The following PDE4D variants were observed in gnomAD, a reference collection of about 807,000 sequenced individuals.
The protein encoded by PDE4D is 3',5'-cyclic-AMP phosphodiesterase 4D.
In PDE4D, 24 loss-of-function variants were observed where a neutral mutation model predicts 87.4. The ratio of observed to expected loss-of-function variants is 0.27; its 90% CI spans 0.20 to 0.39. PDE4D has a LOEUF of 0.39. PDE4D is among the 10% of genes least tolerant of loss of function. The pLI is 1.00. For synonymous variants in PDE4D, 384 were observed against 383.2 expected, an observed-to-expected ratio of 1.00 and a Z score of -0.02; for missense variants, 714 against 1,041.0, an observed-to-expected ratio of 0.69 and a Z score of 4.32.
chr5:59,026,153 G>A (rs1756195653), intron 6 of PDE4D, among the ~76,000 whole-genome samples: 1 of 152,226 alleles, frequency 6.6e-6, no homozygotes, highest in African/African-American at 2.4e-5. Flanking sequence ...AGGTAGAGAT[G>A]AGAAAGAGCA....
intron 2 of PDE4D, among the ~76,000 whole-genome samples, chr5:60,170,713 TATGTA>T (rs1434928636): frequency 9.2e-5 from 14 of 151,936 alleles, no homozygotes; most frequent in African/African-American, 3.4e-4. Flanking sequence ...ACATAGATGA[TATGTA>T]ATGACATAAT....
chr5:59,264,036 A>C (rs1762451761), intron 1 of PDE4D, among the ~76,000 whole-genome samples: 1 of 152,036 alleles, frequency 6.6e-6, no homozygotes, highest in Non-Finnish European at 1.5e-5. Context: ...AAAAATACAC[A>C]TGTATTTGTA....
At chr5:60,400,521 CAAAAA>C (rs56750243) in intron 1 of PDE4D, among the ~76,000 whole-genome samples, 1 of 62,354 alleles carries the variant, frequency 1.6e-5, no homozygotes, top group Non-Finnish European at 2.8e-5. Flanking sequence ...GACTCCATCT[CAAAAA>C]AAAAAAAAAA....
At chr5:60,358,058 G>A (rs867718574) in intron 1 of PDE4D, among the ~76,000 whole-genome samples, 8 of 152,270 alleles carry the variant, frequency 5.3e-5, no homozygotes, top group Middle Eastern at 6.8e-3. Context: ...GTGGCACTGA[G>A]GGTTTAGTAA....
intron 1 of PDE4D, among the ~76,000 whole-genome samples, chr5:59,513,028 T>C (rs1415066605): frequency 1.3e-5 from 2 of 152,160 alleles, no homozygotes; most frequent in African/African-American, 4.8e-5. Context: ...ATGTGTTCTT[T>C]TTTAAAAAAT....
intron 6 of PDE4D, among the ~76,000 whole-genome samples, chr5:59,001,608 T>G (rs545410840): frequency 3.8e-4 from 58 of 152,326 alleles, no homozygotes; most frequent in African/African-American, 1.2e-3. Context: ...ACATGTTTGA[T>G]CATTCCTACT....
At chr5:60,090,955 T>C (rs899047114) in intron 2 of PDE4D, among the ~76,000 whole-genome samples, 2 of 151,952 alleles carry the variant, frequency 1.3e-5, no homozygotes, top group South Asian at 4.1e-4. Flanking sequence ...AAAACACATC[T>C]GGGAATAAAT....
intron 2 of PDE4D, among the ~76,000 whole-genome samples, chr5:60,165,621 GATT>G (rs1782822726): frequency 6.6e-6 from 1 of 151,190 alleles, no homozygotes; most frequent in Non-Finnish European, 1.5e-5. Context: ...TAACAGTATT[GATT>G]ATTTGAATCC....
intron 6 of PDE4D, among the ~76,000 whole-genome samples, chr5:59,008,007 T>C (rs1005242445): frequency 4.6e-5 from 7 of 152,102 alleles, no homozygotes; most frequent in African/African-American, 1.4e-4. Flanking sequence ...GATGTTAGCA[T>C]AGTATTCTGT....
intron 1 of PDE4D, among the ~76,000 whole-genome samples, chr5:60,253,899 T>A (rs1402598425): frequency 6.6e-6 from 1 of 151,916 alleles, no homozygotes; most frequent in African/African-American, 2.4e-5. Context: ...GATTCAATGA[T>A]AAATTACCCA....
At chr5:59,919,106 A>T (rs758842613) in intron 3 of PDE4D, among the ~76,000 whole-genome samples, 4 of 152,170 alleles carry the variant, frequency 2.6e-5, no homozygotes, top group Non-Finnish European at 5.9e-5. Flanking sequence ...ACCTTTTTTA[A>T]AAAAACAGGT....
rs1290244569 is a variant in PDE4D at position 59,516,512 on chromosome 5, C to T, written c.456-300544G>A. On this transcript the variant is annotated intron_variant, in intron 1 of 14. Transcript: ENST00000340635. ...TCCTCCCTATTGCTCTAGAAGAAAA[C>T]GCTGCCAAGAAAAAGCTACTTCTAA... Among the ~76,000 whole-genome samples, 11 of 152,220 alleles carry T rather than the reference C, an allele frequency of 7.2e-5. No individual in the cohort carries two copies. In the East Asian group the frequency reaches 1.7e-3, roughly 24 times the overall value.
intron 3 of PDE4D, among the ~76,000 whole-genome samples, chr5:59,957,807 A>G (rs1455044039): frequency 6.6e-6 from 1 of 152,044 alleles, no homozygotes; most frequent in African/African-American, 2.4e-5. Flanking sequence ...GTGAATTTTC[A>G]TTCATATTTT....
intron 1 of PDE4D, among the ~76,000 whole-genome samples, chr5:59,353,604 AAAACATGGTTGGCAAT>A (rs147844241): frequency 0.1 from 15,917 of 151,984 alleles, 935 homozygotes; most frequent in Middle Eastern, 0.14. Flanking sequence ...CCCATTACTG[AAAACATGGTTGGCAAT>A]CTCTTCTGGG....
rs75113629 is a variant in PDE4D at position 59,519,610 on chromosome 5, G to A, written c.456-303642C>T. Among the ~76,000 whole-genome samples, 625 of 152,234 alleles carry A rather than the reference G, an allele frequency of 4.1e-3. 1 individual carries two copies. Among genetic ancestry groups the A allele is most frequent in the Non-Finnish European group, 7.2e-3 (490 of 68,010 alleles). Reference sequence around the variant, plus strand: ...CAGATCCAGGTCACTTGAAAGGGGCGGTAGACATAGATCATGTAGAAGTTT... The same window carrying A: ...CAGATCCAGGTCACTTGAAAGGGGCAGTAGACATAGATCATGTAGAAGTTT... On this transcript the variant is annotated intron_variant, in intron 1 of 14. Coordinates refer to ENST00000340635, the MANE Select transcript of PDE4D (RefSeq NM_001104631.2).
chr5:59,273,874 TCTC>T (rs1234096718), intron 1 of PDE4D, among the ~76,000 whole-genome samples: 1 of 152,112 alleles, frequency 6.6e-6, no homozygotes, highest in African/African-American at 2.4e-5. Flanking sequence ...ATGTTACTCA[TCTC>T]CTGAAATGAA....
At chr5:59,362,902 G>A (rs934856966) in intron 1 of PDE4D, among the ~76,000 whole-genome samples, 4 of 152,104 alleles carry the variant, frequency 2.6e-5, no homozygotes, top group African/African-American at 9.7e-5. Flanking sequence ...GATTTTTTCC[G>A]TGACTGTTCA....
chr5:59,342,844 C>T (rs1048650485), intron 1 of PDE4D, among the ~76,000 whole-genome samples: 24 of 152,076 alleles, frequency 1.6e-4, no homozygotes, highest in Admixed American at 5.2e-4. Flanking sequence ...ATTTATAGTG[C>T]GCAAGATGAT....
intron 2 of PDE4D, among the ~76,000 whole-genome samples, chr5:60,175,603 C>T (rs942924529): frequency 1.3e-5 from 2 of 152,076 alleles, no homozygotes; most frequent in African/African-American, 4.8e-5. Flanking sequence ...TATTTGCTCC[C>T]CCTTTAGCTT....
Sources: allele counts gnomAD v4.1 joint callset (sites outside exome capture counted in the v4.1 genomes callset), GRCh38; gene constraint gnomAD v4.1.1; transcripts MANE v1.5; gene names NCBI Gene and HGNC (gene_info 2026-07-23, HGNC 2026-07-21).